The following VILL variants were observed in gnomAD, a reference collection of about 807,000 sequenced individuals.
The protein encoded by VILL is villin like.
VILL carries 102 observed loss-of-function variants against 106.3 expected under a neutral mutation model. The observed-to-expected ratio is 0.96, with a 90% CI of 0.82 to 1.13. The LOEUF (loss-of-function observed/expected upper bound fraction) is 1.13. Among genes scored for constraint, VILL ranks in the 50% most tolerant of loss-of-function variants. The probability of loss-of-function intolerance (pLI) is 0.00; values close to 1 mark genes in which losing one functional copy is unlikely to be tolerated. For missense variants in VILL, 1,076 were observed against 1,116.6 expected (o/e 0.96, Z 0.52); for synonymous variants, 431 against 440.3 (o/e 0.98, Z 0.27).
At chr3:37,996,417 C>A (rs1422699670) in intron 5 of VILL, among the ~76,000 whole-genome samples, 2 of 152,178 alleles carry the variant, frequency 1.3e-5, no homozygotes, top group African/African-American at 2.4e-5. Context: ...TTCCATCTGT[C>A]AGGAAATTAC....
At chr3:37,993,800 C>T (rs921488800) in intron 2 of VILL, 68 bp downstream of exon 2, 11 of 1,606,956 alleles carry the variant, frequency 6.8e-6, no homozygotes, top group Non-Finnish European at 9.4e-6. Flanking sequence ...CACTAGGCTT[C>T]TCCCGCCCCC....
In VILL at chr3:38,005,937, T is replaced by G. The variant is rs142814627; in HGVS notation, c.2096T>G (p.Ile699Ser). 3.1e-6 allele frequency: 5 copies of G among 1,613,790 alleles called. No homozygotes were observed. Among genetic ancestry groups the G allele is most frequent in the Non-Finnish European group, 4.2e-6 (5 of 1,179,810 alleles). The change falls in exon 17 of 20, where the codon ATT becomes AGT. Residue 699 changes from isoleucine to serine, a missense_variant. By Grantham distance (142) the Ile-to-Ser change is moderately radical. Coordinates refer to ENST00000383759, the MANE Select transcript of VILL (RefSeq NM_015873.4). The part of the protein sequence containing the change: ...VKQGHEPPTF[I>S]GWFFTWDPYK... ...CAGGGCCATGAGCCTCCCACCTTCATTGGATGGTTCTTCACTTGGGACCCC... is the reference window on the plus strand; with the variant it reads ...CAGGGCCATGAGCCTCCCACCTTCAGTGGATGGTTCTTCACTTGGGACCCC...
intron 4 of VILL, 68 bp downstream of exon 4, chr3:37,994,534 G>A: frequency 6.4e-7 from 1 of 1,557,456 alleles, no homozygotes; most frequent in Non-Finnish European, 8.7e-7. Flanking sequence ...GCAGTCTTGG[G>A]ATGGCCATCG....
chr3:37,999,084 GC>G, intron 10 of VILL, 34 bp downstream of exon 10: 1 of 1,187,050 alleles, frequency 8.4e-7, no homozygotes, highest in Non-Finnish European at 1.1e-6. Context: ...CGGGGGCGGG[GC>G]GGGACTGGCG....
intron 5 of VILL, among the ~76,000 whole-genome samples, chr3:37,996,618 G>C (rs1699706239): frequency 6.6e-6 from 1 of 152,122 alleles, no homozygotes; most frequent in African/African-American, 2.4e-5. Context: ...CACAGACCCA[G>C]TGACCATACA....
intron 15 of VILL, 35 bp from the exon 16 acceptor site, chr3:38,004,219 TG>T: frequency 1.3e-6 from 2 of 1,588,682 alleles, no homozygotes. Context: ...GGTGCCCCTC[TG>T]GGTGGCTCAC....
At chr3:38,000,430 G>C (rs1211700216) in intron 11 of VILL, among the ~76,000 whole-genome samples, 1 of 151,942 alleles carries the variant, frequency 6.6e-6, no homozygotes, top group Non-Finnish European at 1.5e-5. Context: ...GGAGGAGGTG[G>C]GGTGGAGGAA....
rs781345346 is a variant in VILL, at chr3:37,999,420, AC to A, written c.1164del (p.Asp388GlufsTer65). ...KLAAQLRMVD[D>X]GSGKVEVWCI... ...GCGGCCCAGCTCAGGATGGTGGACGACGGCTCTGGGAAGGTGGAGGTGAGGG... is the reference window on the plus strand; with the variant it reads ...GCGGCCCAGCTCAGGATGGTGGACGAGGCTCTGGGAAGGTGGAGGTGAGGG... On this transcript the variant is annotated frameshift_variant, in exon 11 of 20. Coordinates refer to ENST00000383759, the MANE Select transcript of VILL (RefSeq NM_015873.4). LOFTEE classifies it high-confidence loss of function. The A allele has an allele frequency of 4.1e-4, 609 of 1,486,034 alleles. No individual in the cohort carries two copies. Among genetic ancestry groups the A allele is most frequent in the East Asian group, 5.4e-4 (21 of 38,832 alleles). 92.1% of individuals were successfully genotyped at this position (1,486,034 alleles called of 1,614,324 possible). A position where few individuals can be genotyped will look rare whatever the true frequency, so the allele number is the denominator to read the frequency against.
intron 13 of VILL, 181 bp downstream of exon 13, chr3:38,002,041 C>A: frequency 3.1e-6 from 3 of 975,810 alleles, no homozygotes; most frequent in South Asian, 3.2e-5. Flanking sequence ...GTTTCCCTCC[C>A]CAGTCCCAGA....
intron 14 of VILL, chr3:38,002,796 C>T (rs1699843431): frequency 2.0e-5 from 12 of 587,992 alleles, no homozygotes; most frequent in Admixed American, 3.3e-5. Flanking sequence ...AGGCCCAGGC[C>T]GCCTCCCCTC....
In VILL at chr3:38,004,292, T is replaced by A. The variant is rs750719522; in HGVS notation, c.1843T>A (p.Phe615Ile). 5.0e-6 allele frequency: 8 copies of A among 1,613,608 alleles called. No homozygotes were observed. The highest frequency in any genetic ancestry group is 3.3e-5 in the Admixed American group (2 of 59,992). Residue 615 changes from phenylalanine (F) to isoleucine (I), a missense_variant, in exon 16 of 20, where the codon TTT (phenylalanine) becomes ATT (isoleucine). By Grantham distance (21) the Phe-to-Ile change is conservative. Coordinates refer to ENST00000383759, the MANE Select transcript of VILL (RefSeq NM_015873.4). Reference sequence around the variant, plus strand: ...GGTCCCCAGCTTCCAGCCACGACTGTTTGAGTGCTCCAGCCACATGGGCTG... The same window carrying A: ...GGTCCCCAGCTTCCAGCCACGACTGATTGAGTGCTCCAGCCACATGGGCTG... ...EEVPSFQPRL[F>I]ECSSHMGCLV...
In VILL at chr3:38,005,920, T is replaced by G. The variant is rs1362386500; in HGVS notation, c.2079T>G (p.His693Gln). The change falls in exon 17 of 20, where the codon CAT (histidine) becomes CAG (glutamine). Residue 693 changes from histidine to glutamine, a missense_variant. Coordinates refer to ENST00000383759, the MANE Select transcript of VILL (RefSeq NM_015873.4). Reference protein sequence around the residue: ...ATPIVLVKQGHEPPTFIGWFF... With the variant: ...ATPIVLVKQGQEPPTFIGWFF... ...CCATCGTGCTGGTCAAGCAGGGCCA[T>G]GAGCCTCCCACCTTCATTGGATGGT... The G allele has an allele frequency of 3.7e-6, 6 of 1,613,938 alleles. No individual in the cohort carries two copies. In the African/African-American group the frequency reaches 8.0e-5, roughly 22 times the overall value.
intron 13 of VILL, chr3:38,002,161 A>G (rs1043980253): frequency 1.6e-5 from 10 of 634,146 alleles, no homozygotes; most frequent in Admixed American, 1.5e-4. Context: ...CCATGCCCCA[A>G]CCACTCAGAG....
In VILL at chr3:37,997,272, A is replaced by T. The variant is rs1321825606; in HGVS notation, c.561+85A>T. 8 of 1,444,368 alleles carry T rather than the reference A, an allele frequency of 5.5e-6. No individual in the cohort carries two copies. Among genetic ancestry groups the T allele is most frequent in the Non-Finnish European group, 5.8e-6 (6 of 1,035,806 alleles). 89.5% of individuals were successfully genotyped at this position (1,444,368 alleles called of 1,614,324 possible). On this transcript the variant is annotated intron_variant, in intron 6 of 19. Transcript: ENST00000383759. This position sits in a 1 kb window ranked among gnomAD's most constrained non-coding sequence, Gnocchi z 4.7. ...TTGACCATCCTCCGGCCACCCAAAG[A>T]GTTGGGCTTGGCTCTGCTACAACCC... is the stretch of plus-strand genomic sequence containing the variant.
chr3:38,000,372 G>A (rs553479116), intron 11 of VILL, among the ~76,000 whole-genome samples: 1 of 151,872 alleles, frequency 6.6e-6, no homozygotes, highest in South Asian at 2.1e-4. Context: ...AGACAGAGAA[G>A]AAAAGACTGG....
At chr3:37,992,695 TAGA>T (rs1221008979) in intron 1 of VILL, among the ~76,000 whole-genome samples, 2 of 152,144 alleles carry the variant, frequency 1.3e-5, no homozygotes, top group East Asian at 3.9e-4. Context: ...TCTAACCCCC[TAGA>T]AGGACAGCCC....
chr3:38,003,217 T>C lies in VILL; in HGVS notation c.1709T>C (p.Ile570Thr). Residue 570 changes from isoleucine to threonine, a missense_variant, in exon 15 of 20, where the codon ATT becomes ACT. Transcript: ENST00000383759. ...ATGGCACGGGTGGTGGTCACTGTCA[T>C]TTCCAGGAAGAATGAGGAAACGGTG... The part of the protein sequence containing the change: ...REMARVVVTV[I>T]SRKNEETVLE... The C allele has an allele frequency of 3.1e-6, 5 of 1,613,986 alleles. No homozygotes were observed. Among genetic ancestry groups the C allele is most frequent in the Non-Finnish European group, 4.2e-6 (5 of 1,179,966 alleles).
chr3:38,007,077 C>G lies in VILL; in HGVS notation c.*22C>G, dbSNP rs758144562. ...CTGAACCCAAGCCCTCTCGACTGCC[C>G]CTATCCCCTGGACCCCAACATACCT... On this transcript the variant is annotated 3_prime_UTR_variant, in exon 20 of 20. Coordinates refer to ENST00000383759, the MANE Select transcript of VILL (RefSeq NM_015873.4). 1.3e-6 allele frequency: 2 copies of G among 1,598,584 alleles called. No homozygotes were observed. Among genetic ancestry groups the G allele is most frequent in the African/African-American group, 2.7e-5 (2 of 74,552 alleles).
In VILL at chr3:37,997,182, G is replaced by C. The variant is rs1699718142; in HGVS notation, c.556G>C (p.Ala186Pro). The C allele has an allele frequency of 2.5e-6, 4 of 1,613,990 alleles. No individual in the cohort carries two copies. Among genetic ancestry groups the C allele is most frequent in the Non-Finnish European group, 3.4e-6 (4 of 1,179,988 alleles). ...GCCCAAGACCAGCATTTCTGAGAAG[G>C]CTCGGGTCAGTGTCTGCCCAAGGAA... ...NGPKTSISEK[A>P]RGLALTYSLR... The change falls in exon 6 of 20, where the codon GCT becomes CCT. Residue 186 changes from alanine to proline, a missense_variant. By Grantham distance (27) the Ala-to-Pro change is conservative. Coordinates refer to ENST00000383759, the MANE Select transcript of VILL (RefSeq NM_015873.4). This position sits in a 1 kb window ranked among gnomAD's most constrained non-coding sequence, Gnocchi z 4.7.
Sources: allele counts gnomAD v4.1 joint callset (sites outside exome capture counted in the v4.1 genomes callset), GRCh38; gene constraint gnomAD v4.1.1; non-coding constraint Gnocchi (gnomAD v3.1); transcripts MANE v1.5; gene names NCBI Gene and HGNC (gene_info 2026-07-23, HGNC 2026-07-21).